DNAH11: variants seen among roughly 807,000 people sequenced by gnomAD.
The protein encoded by DNAH11 is dynein axonemal heavy chain 11.
DNAH11 carries 442 observed loss-of-function variants against 526.0 expected under a neutral mutation model. The ratio of observed to expected loss-of-function variants is 0.84; its 90% CI spans 0.78 to 0.91. The LOEUF is 0.91. Ranked by LOEUF, DNAH11 falls within the 40% of genes least tolerant of loss-of-function variation. The probability of loss-of-function intolerance (pLI) is 0.00; values close to 1 mark genes in which losing one functional copy is unlikely to be tolerated. For missense variants in DNAH11, 6,989 were observed against 5,448.7 expected (o/e 1.28, Z -8.90); for synonymous variants, 2,461 against 1,935.9 (o/e 1.27, Z -7.12).
At chr7:21,694,066 C>T (rs962882132) in intron 35 of DNAH11, among the ~76,000 whole-genome samples, 7 of 152,182 alleles carry the variant, frequency 4.6e-5, no homozygotes, top group Admixed American at 2.6e-4. Flanking sequence ...TCCCATGATC[C>T]AGTCACCTTC....
intron 40 of DNAH11, among the ~76,000 whole-genome samples, chr7:21,709,038 A>T (rs1435047636): frequency 6.6e-6 from 1 of 152,212 alleles, no homozygotes; most frequent in Non-Finnish European, 1.5e-5. Flanking sequence ...AAAAATTTAA[A>T]ACGGAACTAC....
At chr7:21,550,387 A>G (rs6975155) in intron 2 of DNAH11, among the ~76,000 whole-genome samples, 29,542 of 152,098 alleles carry the variant, frequency 0.19, 2,955 homozygotes, top group Middle Eastern at 0.26. Flanking sequence ...GGTGGAGTAT[A>G]TGGCCAGTAT....
chr7:21,853,698 T>A (rs1048671839), intron 67 of DNAH11, among the ~76,000 whole-genome samples: 1 of 152,204 alleles, frequency 6.6e-6, no homozygotes, highest in Non-Finnish European at 1.5e-5. Flanking sequence ...AAAACTGATA[T>A]GTTGGTTGAT....
chr7:21,620,016 C>T lies in DNAH11; in HGVS notation c.4438C>T (p.Arg1480Ter), dbSNP rs72657321. ...TMKFSYEVHY[R>*]TGIPLLKSDE... ...GAAGTTTTCTTACGAAGTTCACTAT[C>T]GAACAGGCATTCCATTACTAAAGTC... is the stretch of plus-strand genomic sequence containing the variant. Residue 1480 changes from arginine (R) to a stop codon, truncating the protein, a stop_gained, in exon 25 of 82, where the codon CGA (arginine) becomes TGA (stop). Coordinates refer to ENST00000409508, the MANE Select transcript of DNAH11 (RefSeq NM_001277115.2). LOFTEE classifies it high-confidence loss of function. 52 of 1,609,380 alleles carry T rather than the reference C, an allele frequency of 3.2e-5. No individual in the cohort carries two copies. Among genetic ancestry groups the T allele is most frequent in the African/African-American group, 5.3e-5 (4 of 74,778 alleles).
chr7:21,846,396 CCT>C (rs963439260), intron 66 of DNAH11, among the ~76,000 whole-genome samples: 2 of 152,014 alleles, frequency 1.3e-5, no homozygotes, highest in African/African-American at 4.8e-5. Flanking sequence ...AGAAAGTTCC[CCT>C]CTATTTCTAA....
intron 48 of DNAH11, among the ~76,000 whole-genome samples, chr7:21,740,529 T>C (rs757451195): frequency 6.6e-6 from 1 of 152,236 alleles, no homozygotes; most frequent in African/African-American, 2.4e-5. Context: ...CTAGGGTTCA[T>C]CCAGTTACGG....
intron 14 of DNAH11, among the ~76,000 whole-genome samples, chr7:21,598,137 G>A (rs1371415879): frequency 6.6e-6 from 1 of 152,166 alleles, no homozygotes; most frequent in Non-Finnish European, 1.5e-5. Context: ...CCATAGTAAA[G>A]AATAATCAAA....
chr7:21,859,739 A>T (rs1478637593), intron 68 of DNAH11, among the ~76,000 whole-genome samples: 1 of 152,038 alleles, frequency 6.6e-6, no homozygotes, highest in Non-Finnish European at 1.5e-5. Context: ...TTTCAAATTT[A>T]TATTTATATA....
At position 21,656,843 on chromosome 7, in the gene DNAH11, TG is replaced by T. The variant is rs560981193; in HGVS notation, c.5094+864del. Among the ~76,000 whole-genome samples, 86 of 152,294 alleles carry T rather than the reference TG, an allele frequency of 5.6e-4. 1 individual carries two copies. The highest frequency in any genetic ancestry group is 1.0e-3 in the Non-Finnish European group (71 of 68,030). On this transcript the variant is annotated intron_variant, in intron 29 of 81. Coordinates refer to ENST00000409508, the MANE Select transcript of DNAH11 (RefSeq NM_001277115.2). ...TCCTGCCAAATGAAGGAGAAGCAGA[TG>T]GTGGAATACTTTGATTAAAATATAT...
intron 65 of DNAH11, among the ~76,000 whole-genome samples, chr7:21,821,120 A>G (rs1224958492): frequency 6.6e-6 from 1 of 152,154 alleles, no homozygotes; most frequent in African/African-American, 2.4e-5. Flanking sequence ...GGAAGATTTA[A>G]GGATGTTTTC....
intron 18 of DNAH11, among the ~76,000 whole-genome samples, chr7:21,605,195 G>C (rs1282702846): frequency 6.6e-6 from 1 of 152,168 alleles, no homozygotes; most frequent in Non-Finnish European, 1.5e-5. Flanking sequence ...TCCATAACTG[G>C]CAGTTACTGA....
At position 21,864,557 on chromosome 7, in the gene DNAH11, T is replaced by C. The variant is rs745775917; in HGVS notation, c.11396T>C (p.Ile3799Thr). ...AAGATTTTGTTGAGAAAGAAAGAGATAGACCCTCTTGAATTGGATTTCCTG... is the reference window on the plus strand; with the variant it reads ...AAGATTTTGTTGAGAAAGAAAGAGACAGACCCTCTTGAATTGGATTTCCTG... ...AFQILLRKKE[I>T]DPLELDFLLR... Residue 3799 changes from isoleucine (I) to threonine (T), a missense_variant, in exon 70 of 82, where the codon ATA (isoleucine) becomes ACA (threonine). By Grantham distance (89) the Ile-to-Thr change is moderately conservative (BLOSUM62 -1). Transcript: ENST00000409508. The C allele has an allele frequency of 1.8e-5, 29 of 1,611,808 alleles. No homozygotes were observed. The East Asian group carries it at 3.6e-4, about 20-fold the overall frequency.
chr7:21,691,017 A>G lies in DNAH11; in HGVS notation c.6041+136A>G, dbSNP rs1197593621. On this transcript the variant is annotated intron_variant, in intron 35 of 81. Transcript: ENST00000409508. ...TATATGATTTCCTTGGGCTCCTTTT[A>G]TAGACAGAACTTTCACCATGATAAA... The G allele has an allele frequency of 1.2e-5, 8 of 647,688 alleles. 1 individual carries two copies. The highest frequency in any genetic ancestry group is 3.8e-5 in the African/African-American group (2 of 52,446). The allele number at this position is 647,688 out of a possible 1,614,324, so 40.1% of individuals were successfully genotyped here.
chr7:21,647,326 A>C (rs1787399327), intron 28 of DNAH11, among the ~76,000 whole-genome samples: 1 of 152,152 alleles, frequency 6.6e-6, no homozygotes, highest in South Asian at 2.1e-4. Flanking sequence ...ATCATCCATA[A>C]AGCCATATTT....
At chr7:21,559,311 A>C (rs186653603) in intron 3 of DNAH11, among the ~76,000 whole-genome samples, 1 of 152,348 alleles carries the variant, frequency 6.6e-6, no homozygotes, top group East Asian at 1.9e-4. Context: ...TGCTTTTAAA[A>C]AGCAAATTAT....
chr7:21,744,605 C>G lies in DNAH11; in HGVS notation c.8316+6C>G. 5 of 1,612,254 alleles carry G rather than the reference C, an allele frequency of 3.1e-6. No homozygotes were observed. In the South Asian group the frequency reaches 5.5e-5, roughly 18 times the overall value. On this transcript the variant is annotated splice_donor_region_variant and intron_variant, in intron 50 of 81. Transcript: ENST00000409508. ...CTGCTTATAAATATTTTGAAGTAAG[C>G]GTATGAATGTCAGAGGTCACTACTT...
intron 2 of DNAH11, among the ~76,000 whole-genome samples, chr7:21,548,943 G>A (rs949409113): frequency 1.1e-4 from 16 of 151,350 alleles, no homozygotes; most frequent in African/African-American, 2.9e-4. Context: ...GTGCAATGGC[G>A]CAATCTCAGC....
chr7:21,848,530 CTCT>C (rs1193845138), intron 66 of DNAH11, among the ~76,000 whole-genome samples: 1 of 151,674 alleles, frequency 6.6e-6, no homozygotes, highest in Non-Finnish European at 1.5e-5. Flanking sequence ...TTGTCTTTTT[CTCT>C]TCTTCTGCCA....
chr7:21,872,846 A>G (rs1326045849), intron 73 of DNAH11, among the ~76,000 whole-genome samples: 3 of 152,202 alleles, frequency 2.0e-5, no homozygotes, highest in African/African-American at 7.2e-5. Context: ...TTCCATCAGA[A>G]ACCAATGAAG....
Sources: allele counts gnomAD v4.1 joint callset (sites outside exome capture counted in the v4.1 genomes callset), GRCh38; gene constraint gnomAD v4.1.1; transcripts MANE v1.5; gene names NCBI Gene and HGNC (gene_info 2026-07-23, HGNC 2026-07-21).